Variants in LSAMP observed in about 807,000 individuals in gnomAD.
The protein encoded by LSAMP is limbic system associated membrane protein, also known as limbic system-associated membrane protein.
In LSAMP, 7 loss-of-function variants were observed where a neutral mutation model predicts 38.6. That is an observed-to-expected ratio of 0.18 (90% CI 0.10 to 0.34). The LOEUF is 0.34. Among genes scored for constraint, LSAMP ranks in the 10% least tolerant of loss-of-function variants. The pLI, the probability that LSAMP is intolerant of heterozygous loss-of-function variation, is 1.00. For synonymous variants in LSAMP, 154 were observed against 166.8 expected (o/e 0.92, Z 0.59); for missense variants, 313 against 420.0 (o/e 0.75, Z 2.23).
At chr3:115,884,559 C>G (rs1197833377) in intron 3 of LSAMP, among the ~76,000 whole-genome samples, 1 of 148,116 alleles carries the variant, frequency 6.8e-6, no homozygotes, top group Non-Finnish European at 1.5e-5. Flanking sequence ...GGTGATCTCT[C>G]TAGTGAGTCT....
chr3:116,209,640 C>T (rs567743991), intron 1 of LSAMP, among the ~76,000 whole-genome samples: 1 of 152,204 alleles, frequency 6.6e-6, no homozygotes, highest in East Asian at 1.9e-4. Flanking sequence ...GTAAGACAAG[C>T]TAAGGTGGAG....
chr3:116,245,546 G>A (rs1183930888), intron 1 of LSAMP, among the ~76,000 whole-genome samples: 1 of 151,984 alleles, frequency 6.6e-6, no homozygotes, highest in Non-Finnish European at 1.5e-5. Flanking sequence ...CATCCTATAT[G>A]CAAACTATAT....
chr3:115,997,468 T>C (rs1402181521), intron 3 of LSAMP, among the ~76,000 whole-genome samples: 2 of 151,668 alleles, frequency 1.3e-5, no homozygotes, highest in Non-Finnish European at 2.9e-5. Context: ...GCTAAGGTGA[T>C]CAGAGACAGC....
Position 116,060,528 on chromosome 3 carries a change from A to C in LSAMP, c.388+25796T>G, listed in dbSNP as rs185224042. Among the ~76,000 whole-genome samples, 83 of 152,352 alleles carry C rather than the reference A, an allele frequency of 5.4e-4. No individual in the cohort carries two copies. In the Middle Eastern group the frequency reaches 0.014, roughly 25 times the overall value. The stretch of plus-strand genomic sequence containing the variant: ...GTAATCCCAACACTTTGGGAGGCTG[A>C]GGCGGGTGGATCATCTGAGGTCGGG... On this transcript the variant is annotated intron_variant, in intron 2 of 6. Transcript: ENST00000490035.
intron 1 of LSAMP, among the ~76,000 whole-genome samples, chr3:116,138,597 C>T (rs1201513824): frequency 6.6e-6 from 1 of 152,000 alleles, no homozygotes; most frequent in Non-Finnish European, 1.5e-5. Context: ...CTAGGAGCAG[C>T]ATTCAGGATG....
intron 1 of LSAMP, among the ~76,000 whole-genome samples, chr3:116,432,452 T>C (rs1195806929): frequency 6.6e-6 from 1 of 151,840 alleles, no homozygotes; most frequent in African/African-American, 2.4e-5. Flanking sequence ...TACAAATACA[T>C]ACTCTTAGAA....
chr3:116,285,318 C>G (rs770225893), intron 1 of LSAMP, among the ~76,000 whole-genome samples: 14 of 152,152 alleles, frequency 9.2e-5, no homozygotes, highest in Non-Finnish European at 1.3e-4. Flanking sequence ...CGAGACCTAT[C>G]TTCAGGAACC....
At chr3:116,242,137 CA>C (rs143361761) in intron 1 of LSAMP, among the ~76,000 whole-genome samples, 1,901 of 151,940 alleles carry the variant, frequency 0.013, 25 homozygotes, top group Non-Finnish European at 0.021. Flanking sequence ...AGAAAACCAC[CA>C]AAAGAATGAA....
At chr3:116,370,525 A>G (rs2048416311) in intron 1 of LSAMP, among the ~76,000 whole-genome samples, 3 of 152,174 alleles carry the variant, frequency 2.0e-5, no homozygotes. Flanking sequence ...AGTAGCTACC[A>G]TTCACCCAAC....
chr3:115,900,521 A>G (rs1030113252), intron 3 of LSAMP, among the ~76,000 whole-genome samples: 3 of 151,888 alleles, frequency 2.0e-5, no homozygotes, highest in Non-Finnish European at 4.4e-5. Context: ...CCAAAAAAAA[A>G]AAAAAAAAAA....
At chr3:116,418,302 A>G (rs1481643822) in intron 1 of LSAMP, among the ~76,000 whole-genome samples, 4 of 152,152 alleles carry the variant, frequency 2.6e-5, no homozygotes, top group Non-Finnish European at 5.9e-5. Flanking sequence ...AGATATTTCA[A>G]TGTCATCTCA....
rs1042545323 is a variant in LSAMP, at chr3:116,036,230, C to T, written c.389-16590G>A. Among the ~76,000 whole-genome samples, 6 of 152,170 alleles carry T rather than the reference C, an allele frequency of 3.9e-5. No homozygotes were observed. In the East Asian group the frequency reaches 1.2e-3, roughly 29 times the overall value. ...AGTCAGAAACTTGATATGATGTCCT[C>T]TCAGAGTCCCTCATGTTTCCTGACT... On this transcript the variant is annotated intron_variant, in intron 2 of 6. Transcript: ENST00000490035.
At chr3:116,229,128 CTT>C (rs2046372258) in intron 1 of LSAMP, among the ~76,000 whole-genome samples, 2 of 152,024 alleles carry the variant, frequency 1.3e-5, no homozygotes, top group African/African-American at 2.4e-5. Context: ...GACAACATAA[CTT>C]ATCTTGAAAG....
At chr3:116,431,229 AT>A (rs1266886742) in intron 1 of LSAMP, among the ~76,000 whole-genome samples, 3 of 152,002 alleles carry the variant, frequency 2.0e-5, no homozygotes, top group African/African-American at 7.2e-5. Flanking sequence ...AATCTAGCTC[AT>A]TTTTGACCCA....
chr3:116,086,092 G>C (rs1207539948), intron 2 of LSAMP, among the ~76,000 whole-genome samples: 3 of 152,162 alleles, frequency 2.0e-5, no homozygotes, highest in African/African-American at 7.2e-5. Context: ...CTCAGGGCTA[G>C]GTGAAAACAT....
At chr3:115,813,068 A>G (rs920082087) in intron 6 of LSAMP, among the ~76,000 whole-genome samples, 18 of 152,110 alleles carry the variant, frequency 1.2e-4, no homozygotes, top group Non-Finnish European at 2.5e-4. Flanking sequence ...TTGATCTTTT[A>G]CAAATAATTC....
chr3:116,129,834 G>C (rs182459581), intron 1 of LSAMP, among the ~76,000 whole-genome samples: 1 of 152,210 alleles, frequency 6.6e-6, no homozygotes, highest in Non-Finnish European at 1.5e-5. Context: ...GGGATGTACC[G>C]TCTCTTCTGG....
intron 1 of LSAMP, among the ~76,000 whole-genome samples, chr3:116,106,350 T>C (rs868006438): frequency 2.6e-5 from 4 of 152,134 alleles, no homozygotes; most frequent in Middle Eastern, 3.4e-3. Context: ...AGACAGAAGA[T>C]AGTAGGGATG....
At chr3:116,415,838 G>A (rs1467524689) in intron 1 of LSAMP, among the ~76,000 whole-genome samples, 1 of 152,138 alleles carries the variant, frequency 6.6e-6, no homozygotes, top group Non-Finnish European at 1.5e-5. Context: ...GGGCATACAA[G>A]GGGTGAGAAG....
Sources: gnomAD v4.1 joint callset for allele counts (sites outside exome capture counted in the v4.1 genomes callset) on GRCh38, gnomAD v4.1.1 for gene constraint, MANE v1.5 for transcripts, NCBI Gene and HGNC (gene_info 2026-07-23, HGNC 2026-07-21) for gene names.